ELFN1: variants seen among roughly 807,000 people sequenced by gnomAD.
ELFN1 encodes the protein protein ELFN1.
A neutral mutation model predicts 7.6 loss-of-function variants in ELFN1; 6 were observed. The ratio of observed to expected loss-of-function variants is 0.79; its 90% CI spans 0.43 to 1.56. The LOEUF is 1.56. Ranked by LOEUF, ELFN1 falls within the 40% of genes most tolerant of loss-of-function variation. ELFN1 has a pLI of 0.01. For synonymous variants in ELFN1, 657 were observed against 588.1 expected, an observed-to-expected ratio of 1.12 and a Z score of -1.70; for missense variants, 1,169 against 1,232.2, an observed-to-expected ratio of 0.95 and a Z score of 0.77.
In ELFN1 at chr7:1,723,752, T is replaced by C. The variant is rs184689932; in HGVS notation, c.-294+14500T>C. 2.8e-3 allele frequency among the ~76,000 whole-genome samples: 419 copies of C among 152,302 alleles called. 5 individuals are homozygous for C. Among genetic ancestry groups the C allele is most frequent in the South Asian group, 0.017 (82 of 4,818 alleles). ...CACTGTGTACTGGGTCCTGCTGTCA[T>C]TGTCAGGCATGGAGAAGTCTCTGGG... is the stretch of plus-strand genomic sequence containing the variant. On this transcript the variant is annotated intron_variant, in intron 3 of 3. Coordinates refer to ENST00000424383, the MANE Select transcript of ELFN1 (RefSeq NM_001128636.4).
chr7:1,678,974 G>A (rs1778923539), intron 1 of ELFN1, among the ~76,000 whole-genome samples: 1 of 152,114 alleles, frequency 6.6e-6, no homozygotes, highest in Admixed American at 6.5e-5. Context: ...CCGAGGAACT[G>A]GCCTTGGGTG....
At chr7:1,731,608 C>T (rs973265215) in intron 3 of ELFN1, among the ~76,000 whole-genome samples, 5 of 152,192 alleles carry the variant, frequency 3.3e-5, no homozygotes, top group African/African-American at 9.6e-5. Context: ...GGGCCCATCC[C>T]AGGAAAACCG....
At chr7:1,737,664 T>A (rs1053293501) in intron 3 of ELFN1, among the ~76,000 whole-genome samples, 9 of 152,236 alleles carry the variant, frequency 5.9e-5, no homozygotes, top group Admixed American at 5.9e-4. Flanking sequence ...CCCGCAGCCC[T>A]GTCCTCTGCG....
At chr7:1,702,412 G>C (rs1054542429) in intron 2 of ELFN1, among the ~76,000 whole-genome samples, 1 of 149,012 alleles carries the variant, frequency 6.7e-6, no homozygotes, top group Non-Finnish European at 1.5e-5. Flanking sequence ...GACAGAACGA[G>C]ACTCCGTCGG....
In ELFN1 at chr7:1,679,104, C is replaced by T. The variant is rs541203703; in HGVS notation, c.-549+8750C>T. Among the ~76,000 whole-genome samples, 8 of 152,234 alleles carry T rather than the reference C, an allele frequency of 5.3e-5. No homozygotes were observed. The East Asian group carries it at 1.2e-3, about 22-fold the overall frequency. On this transcript the variant is annotated intron_variant, in intron 1 of 3. Transcript: ENST00000424383. ...CGTCTTGCAGGGATGTTGGCACCTA[C>T]TCAGCTAGAGCCCACCCCCCACATA... is the stretch of plus-strand genomic sequence containing the variant.
At chr7:1,683,869 T>C (rs1167480092) in intron 1 of ELFN1, among the ~76,000 whole-genome samples, 2 of 152,188 alleles carry the variant, frequency 1.3e-5, no homozygotes, top group Non-Finnish European at 2.9e-5. Context: ...CTACTCCAGG[T>C]TGGGTGTGGT....
intron 3 of ELFN1, among the ~76,000 whole-genome samples, chr7:1,727,468 A>G (rs1163363294): frequency 6.6e-6 from 1 of 152,160 alleles, no homozygotes; most frequent in Non-Finnish European, 1.5e-5. Flanking sequence ...TGGGACCTTC[A>G]GTAGTGGGGT....
Position 1,745,715 on chromosome 7 carries a change from G to C in ELFN1, c.1119G>C (p.Thr373=), listed in dbSNP as rs374917904. 3.0e-5 allele frequency: 47 copies of C among 1,551,386 alleles called. No individual in the cohort carries two copies. In the African/African-American group the frequency reaches 5.6e-4, roughly 19 times the overall value. ...QEEIRLTNLF[T]LTNYTYCVVS... ...AGATCCGTCTGACCAACCTGTTCAC[G>C]CTCACCAACTACACCTACTGCGTGG... Residue 373 remains threonine, a synonymous_variant, in exon 4 of 4, where the codon ACG becomes ACC. Coordinates refer to ENST00000424383, the MANE Select transcript of ELFN1 (RefSeq NM_001128636.4).
rs1779247293 is a variant in ELFN1 at position 1,694,166 on chromosome 7, C to T, written c.-456+6016C>T. 2.3e-5 allele frequency: 5 copies of T among 218,904 alleles called. No homozygotes were observed. The South Asian group carries it at 4.0e-4, about 17-fold the overall frequency. 13.6% of individuals were successfully genotyped at this position (218,904 alleles called of 1,614,324 possible). ...CCGGCAGACCCAGGCCCCTCACACT[C>T]CACCATGCCCACCTCCATCTGGAAG... On this transcript the variant is annotated intron_variant, in intron 2 of 3. Coordinates refer to ENST00000424383, the MANE Select transcript of ELFN1 (RefSeq NM_001128636.4).
At chr7:1,668,283 T>G (rs1376480595), upstream of ELFN1, among the ~76,000 whole-genome samples, 1 of 152,184 alleles carries the variant, frequency 6.6e-6, no homozygotes, top group Non-Finnish European at 1.5e-5. Flanking sequence ...TCATGCCTGC[T>G]CCTGGGAAGT....
intron 1 of ELFN1, among the ~76,000 whole-genome samples, chr7:1,686,945 C>G (rs1779072314): frequency 6.6e-6 from 1 of 152,132 alleles, no homozygotes; most frequent in African/African-American, 2.4e-5. Flanking sequence ...GGTAGAACCA[C>G]TGGCTTTCCC....
chr7:1,674,854 C>A (rs1778836386), intron 1 of ELFN1, among the ~76,000 whole-genome samples: 1 of 152,124 alleles, frequency 6.6e-6, no homozygotes, highest in South Asian at 2.1e-4. Flanking sequence ...GGGAAACATC[C>A]TTCGGCCCGG....
intron 3 of ELFN1, among the ~76,000 whole-genome samples, chr7:1,722,615 C>T (rs1347414616): frequency 6.6e-6 from 1 of 152,036 alleles, no homozygotes; most frequent in Non-Finnish European, 1.5e-5. Context: ...TACTTTAATA[C>T]CGTCTCTGGT....
intron 3 of ELFN1, among the ~76,000 whole-genome samples, chr7:1,726,429 A>C (rs575978238): frequency 6.6e-6 from 1 of 152,210 alleles, no homozygotes; most frequent in Non-Finnish European, 1.5e-5. Flanking sequence ...GCTCAGACAT[A>C]TGCTGGCGGC....
chr7:1,670,188 G>T (rs1371906135), upstream of ELFN1, among the ~76,000 whole-genome samples: 1 of 144,982 alleles, frequency 6.9e-6, no homozygotes, highest in Non-Finnish European at 1.5e-5. This position sits in a 1 kb window ranked among gnomAD's most constrained non-coding sequence, Gnocchi z 6.4. Flanking sequence ...GGCGGGAGGG[G>T]GCAGGGCGAG....
rs1027661033 is a variant in ELFN1 at position 1,745,135 on chromosome 7, C to A, written c.539C>A (p.Ala180Asp). The change falls in exon 4 of 4, where the codon GCC becomes GAC. Residue 180 changes from alanine (A) to aspartate (D), a missense_variant. Ala to Asp is a moderately radical substitution (Grantham distance 126). This residue lies in a region of ELFN1 where 255 missense variants were observed against 359.6 expected (regional missense o/e 0.71). Transcript: ENST00000424383. ...AACAGCGGCACCTTCGCCGGCCTGG[C>A]CAAGCTGTCGGTGTGCGAGCTCTAC... ...QLNSGTFAGL[A>D]KLSVCELYSN... 6.4e-7 allele frequency: 1 copy of A among 1,550,600 alleles called. No homozygotes were observed.
chr7:1,720,725 C>G (rs1454924163), intron 3 of ELFN1, among the ~76,000 whole-genome samples: 1 of 151,584 alleles, frequency 6.6e-6, no homozygotes, highest in African/African-American at 2.4e-5. Flanking sequence ...CTTCCTCCCC[C>G]CAGCACCCCC....
At chr7:1,714,946 C>T (rs1779784240) in intron 3 of ELFN1, among the ~76,000 whole-genome samples, 1 of 152,230 alleles carries the variant, frequency 6.6e-6, no homozygotes, top group African/African-American at 2.4e-5. Context: ...CCTGCTCTGC[C>T]ACTGCGGACG....
chr7:1,733,563 A>G (rs1400187392), intron 3 of ELFN1, among the ~76,000 whole-genome samples: 3 of 152,234 alleles, frequency 2.0e-5, no homozygotes, highest in Non-Finnish European at 4.4e-5. Flanking sequence ...TCACTGAGCA[A>G]ACCGGGCTGG....
Sources: allele counts gnomAD v4.1 joint callset (sites outside exome capture counted in the v4.1 genomes callset), GRCh38; gene constraint gnomAD v4.1.1; regional missense constraint gnomAD v4.1.1; non-coding constraint Gnocchi (gnomAD v3.1); transcripts MANE v1.5; gene names NCBI Gene and HGNC (gene_info 2026-07-23, HGNC 2026-07-21).